NEDD4L: variants seen among roughly 807,000 people sequenced by gnomAD.
NEDD4L encodes E3 ubiquitin-protein ligase NEDD4-like.
NEDD4L carries 54 observed loss-of-function variants against 148.9 expected under a neutral mutation model. The ratio of observed to expected loss-of-function variants is 0.36; its 90% CI spans 0.29 to 0.45. The LOEUF is 0.45. Among genes scored for constraint, NEDD4L ranks in the 20% least tolerant of loss-of-function variants. NEDD4L has a pLI of 1.00. For synonymous variants in NEDD4L, 433 were observed against 440.7 expected (o/e 0.98, Z 0.22); for missense variants, 856 against 1,233.8 (o/e 0.69, Z 4.59).
rs184687102 is a variant in NEDD4L, at chr18:58,130,869, T to A, written c.49-34919T>A. On this transcript the variant is annotated intron_variant, in intron 1 of 30. Transcript: ENST00000400345. ...TTGGTTGGTTGTGATCTAGTGGAACTGTGGTGGTGTTGGGCTCTGTTGGGG... is the reference window on the plus strand; with the variant it reads ...TTGGTTGGTTGTGATCTAGTGGAACAGTGGTGGTGTTGGGCTCTGTTGGGG... Among the ~76,000 whole-genome samples, 8 of 147,270 alleles carry A rather than the reference T, an allele frequency of 5.4e-5. No homozygotes were observed. In the East Asian group the frequency reaches 1.6e-3, roughly 30 times the overall value.
chr18:58,359,728 T>C (rs1427557356), intron 19 of NEDD4L: 1 of 152,120 alleles, frequency 6.6e-6, no homozygotes, highest in East Asian at 1.9e-4. Context: ...CTGACCAGAG[T>C]ATCAGTATCG....
chr18:58,203,425 T>G (rs2041639602), intron 2 of NEDD4L, among the ~76,000 whole-genome samples: 1 of 152,238 alleles, frequency 6.6e-6, no homozygotes, highest in Non-Finnish European at 1.5e-5. Context: ...TTAGTATTTC[T>G]AATCTCTTAC....
In NEDD4L at chr18:58,398,157, T is replaced by TAAAAAAAAAAAAAAA. The variant is rs35545013; in HGVS notation, c.*1911_*1925dup. ...TCAGAAAACTTAGATGCTATGTAACTAAAAAAAAAAAAAAAAAAAAAAAAA... is the reference window on the plus strand; with the variant it reads ...TCAGAAAACTTAGATGCTATGTAACTAAAAAAAAAAAAAAAAAAAAAAAAAAAAAAAAAAAAAAAA... On this transcript the variant is annotated 3_prime_UTR_variant, in exon 31 of 31. Transcript: ENST00000400345. 4 of 31,012 alleles carry TAAAAAAAAAAAAAAA rather than the reference T, an allele frequency of 1.3e-4. No individual in the cohort carries two copies. The highest frequency in any genetic ancestry group is 3.7e-4 in the African/African-American group (4 of 10,928). The allele number at this position is 31,012 out of a possible 1,614,324, so 1.9% of individuals were successfully genotyped here. A position where few individuals can be genotyped will look rare whatever the true frequency, so the allele number is the denominator to read the frequency against.
At chr18:58,082,587 C>G (rs548185912) in intron 1 of NEDD4L, among the ~76,000 whole-genome samples, 2 of 151,416 alleles carry the variant, frequency 1.3e-5, no homozygotes, top group South Asian at 4.2e-4. Context: ...GCCCGGCCAA[C>G]ATGGTGAAAC....
intron 2 of NEDD4L, among the ~76,000 whole-genome samples, chr18:58,206,067 T>A (rs548616618): frequency 6.6e-6 from 1 of 152,270 alleles, no homozygotes; most frequent in Non-Finnish European, 1.5e-5. Flanking sequence ...TGAAAGATGC[T>A]CCCCTTTGCG....
intron 22 of NEDD4L, among the ~76,000 whole-genome samples, chr18:58,370,189 C>T (rs1438925299): frequency 2.0e-5 from 3 of 152,216 alleles, no homozygotes; most frequent in Admixed American, 6.5e-5. Context: ...CCCCACTCTG[C>T]TGCGCCATCT....
At chr18:58,132,241 GGTA>G (rs984229823) in intron 1 of NEDD4L, among the ~76,000 whole-genome samples, 4 of 140,050 alleles carry the variant, frequency 2.9e-5, no homozygotes, top group African/African-American at 9.8e-5. Context: ...TTGTTTTGAT[GGTA>G]GTGGTGGTGG....
At position 58,267,873 on chromosome 18, in the gene NEDD4L, A is replaced by G. The variant is rs1426727604; in HGVS notation, c.297+15819A>G. ...ACATAGCTTTTAAAATAGCTCATTT[A>G]TCCTGCAAGCTTCACCCCCATAGAG... On this transcript the variant is annotated intron_variant, in intron 5 of 30. Coordinates refer to ENST00000400345, the MANE Select transcript of NEDD4L (RefSeq NM_001144967.3). Among the ~76,000 whole-genome samples, 4 of 152,080 alleles carry G rather than the reference A, an allele frequency of 2.6e-5. No individual in the cohort carries two copies. In the South Asian group the frequency reaches 8.3e-4, roughly 31 times the overall value.
intron 1 of NEDD4L, among the ~76,000 whole-genome samples, chr18:58,120,183 A>G (rs561444167): frequency 6.6e-6 from 1 of 152,324 alleles, no homozygotes; most frequent in African/African-American, 2.4e-5. Context: ...ATAGAAAGGC[A>G]GAAATCCCTG....
At chr18:58,052,111 A>G (rs2081900909) in intron 1 of NEDD4L, among the ~76,000 whole-genome samples, 1 of 152,238 alleles carries the variant, frequency 6.6e-6, no homozygotes, top group East Asian at 1.9e-4. Context: ...ATTTAGATTT[A>G]GTAGAGACTT....
At chr18:58,244,985 C>T (rs2047084629) in intron 2 of NEDD4L, among the ~76,000 whole-genome samples, 1 of 152,120 alleles carries the variant, frequency 6.6e-6, no homozygotes, top group South Asian at 2.1e-4. Flanking sequence ...TGTGAGCCAC[C>T]TCGCCCAGCC....
intron 2 of NEDD4L, among the ~76,000 whole-genome samples, chr18:58,236,007 T>C (rs2045965463): frequency 6.6e-6 from 1 of 151,906 alleles, no homozygotes; most frequent in Non-Finnish European, 1.5e-5. Context: ...CACTCCAGCC[T>C]GGGCGAGAGA....
At chr18:58,214,371 A>G (rs1228282852) in intron 2 of NEDD4L, among the ~76,000 whole-genome samples, 3 of 152,128 alleles carry the variant, frequency 2.0e-5, no homozygotes, top group Non-Finnish European at 4.4e-5. Flanking sequence ...TGACTGTGAT[A>G]TTTAGTCTGA....
chr18:58,156,788 C>G (rs549978513), intron 1 of NEDD4L, among the ~76,000 whole-genome samples: 3 of 152,268 alleles, frequency 2.0e-5, no homozygotes, highest in African/African-American at 7.2e-5. Flanking sequence ...GAGAGCTGCC[C>G]TCTGCAACCT....
intron 2 of NEDD4L, among the ~76,000 whole-genome samples, chr18:58,232,165 C>T (rs980549532): frequency 3.9e-5 from 6 of 152,252 alleles, no homozygotes; most frequent in South Asian, 4.1e-4. Context: ...TGTGCTCTGA[C>T]GAGGTGGGGC....
At chr18:58,355,977 G>T (rs2044578998) in intron 18 of NEDD4L, among the ~76,000 whole-genome samples, 2 of 152,066 alleles carry the variant, frequency 1.3e-5, no homozygotes. Context: ...CCCCGCCCCG[G>T]TCCCCAAGAC....
At chr18:58,301,963 C>T (rs955412395) in intron 5 of NEDD4L, among the ~76,000 whole-genome samples, 3 of 152,180 alleles carry the variant, frequency 2.0e-5, no homozygotes, top group Admixed American at 2.0e-4. Flanking sequence ...ATCACATCCC[C>T]TTGTTGCCCC....
At chr18:58,120,555 G>A (rs528934077) in intron 1 of NEDD4L, among the ~76,000 whole-genome samples, 9 of 152,270 alleles carry the variant, frequency 5.9e-5, no homozygotes, top group East Asian at 1.9e-4. Context: ...TGAGGCGGGC[G>A]GATCACGAGG....
intron 2 of NEDD4L, among the ~76,000 whole-genome samples, chr18:58,215,549 A>G (rs2147821173): frequency 6.6e-6 from 1 of 152,280 alleles, no homozygotes. Context: ...TTTATTGTAT[A>G]TCTTGTATAG....
Sources: gnomAD v4.1 joint callset for allele counts (sites outside exome capture counted in the v4.1 genomes callset) on GRCh38, gnomAD v4.1.1 for gene constraint, MANE v1.5 for transcripts, NCBI Gene and HGNC (gene_info 2026-07-23, HGNC 2026-07-21) for gene names.